Variants in DBX2 observed in about 807,000 individuals in gnomAD.
The protein encoded by DBX2 is homeobox protein DBX2.
A neutral mutation model predicts 17.7 loss-of-function variants in DBX2; 16 were observed. The observed-to-expected ratio is 0.90, with a 90% CI of 0.61 to 1.37. The LOEUF (loss-of-function observed/expected upper bound fraction) is 1.37. DBX2 is among the 40% of genes most tolerant of loss of function. The probability of loss-of-function intolerance (pLI) is 0.00; values close to 1 mark genes in which losing one functional copy is unlikely to be tolerated. For missense variants in DBX2, 538 were observed against 433.8 expected (o/e 1.24, Z -2.13); for synonymous variants, 255 against 183.8 (o/e 1.39, Z -3.13).
chr12:45,029,200 G>C (rs2137023252), intron 2 of DBX2, among the ~76,000 whole-genome samples: 1 of 152,256 alleles, frequency 6.6e-6, no homozygotes, highest in South Asian at 2.1e-4. Context: ...GGAGAATAAG[G>C]CATGTAGCAG....
intron 1 of DBX2, among the ~76,000 whole-genome samples, chr12:45,038,646 G>A (rs1010920087): frequency 4.4e-5 from 6 of 136,434 alleles, no homozygotes; most frequent in African/African-American, 6.5e-5. Context: ...AAAAATGGAT[G>A]GTTTACTTAA....
At chr12:45,039,276 GGTATATATATATATATATATATATATAT>G (rs1946456946) in intron 1 of DBX2, among the ~76,000 whole-genome samples, 1 of 66,424 alleles carries the variant, frequency 1.5e-5, no homozygotes, top group African/African-American at 6.5e-5. Context: ...CTGCATTGAA[GGTATATATATATATATATATATATATAT>G]ATATATATAT....
intron 1 of DBX2, among the ~76,000 whole-genome samples, chr12:45,046,694 A>G (rs1415071923): frequency 1.3e-5 from 2 of 152,228 alleles, no homozygotes; most frequent in African/African-American, 2.4e-5. Context: ...AGCACCAGAC[A>G]TAAGTGTGAA....
At chr12:45,021,248 A>T (rs1292579045) in intron 3 of DBX2, among the ~76,000 whole-genome samples, 2 of 152,222 alleles carry the variant, frequency 1.3e-5, no homozygotes, top group Non-Finnish European at 1.5e-5. Context: ...TAAGACAAAA[A>T]GTACTCACTC....
At chr12:45,026,756 T>C (rs1197714280) in intron 2 of DBX2, among the ~76,000 whole-genome samples, 1 of 152,232 alleles carries the variant, frequency 6.6e-6, no homozygotes, top group Non-Finnish European at 1.5e-5. Flanking sequence ...AACTTCTCCC[T>C]CTTTCCTTCC....
At chr12:45,038,372 A>G (rs1946451533) in intron 1 of DBX2, among the ~76,000 whole-genome samples, 1 of 151,676 alleles carries the variant, frequency 6.6e-6, no homozygotes, top group Admixed American at 6.6e-5. Context: ...ATAAAATTAA[A>G]CATTTACCAT....
chr12:45,022,450 C>T (rs1946358534), intron 3 of DBX2, among the ~76,000 whole-genome samples: 1 of 151,714 alleles, frequency 6.6e-6, no homozygotes, highest in African/African-American at 2.4e-5. Flanking sequence ...ACTACAGGCG[C>T]CAGCCACCTC....
At chr12:45,020,668 TA>T (rs1946346716) in intron 3 of DBX2, among the ~76,000 whole-genome samples, 1 of 89,334 alleles carries the variant, frequency 1.1e-5, no homozygotes, top group African/African-American at 4.3e-5. Flanking sequence ...TGTATATGTA[TA>T]TATATGTATA....
At chr12:45,026,227 C>A (rs1485382529) in intron 2 of DBX2, among the ~76,000 whole-genome samples, 1 of 152,064 alleles carries the variant, frequency 6.6e-6, no homozygotes, top group Non-Finnish European at 1.5e-5. Flanking sequence ...ACCTGCCAGG[C>A]CTTTGAAGAT....
chr12:45,031,251 A>T (rs960685705), intron 2 of DBX2, among the ~76,000 whole-genome samples: 24 of 150,686 alleles, frequency 1.6e-4, no homozygotes, highest in Admixed American at 5.3e-4. Flanking sequence ...AGAGAGAGAG[A>T]GAGAGATGTA....
At chr12:45,017,215 A>G (rs180955006) in intron 3 of DBX2, among the ~76,000 whole-genome samples, 1 of 152,356 alleles carries the variant, frequency 6.6e-6, no homozygotes, top group East Asian at 1.9e-4. Context: ...AACATCATCT[A>G]GTCTGTGCTG....
chr12:45,047,433 A>G (rs957642939), intron 1 of DBX2, among the ~76,000 whole-genome samples: 1 of 151,974 alleles, frequency 6.6e-6, no homozygotes, highest in African/African-American at 2.4e-5. Flanking sequence ...GAGCCCTTTG[A>G]TTTTTAGAGT....
At chr12:45,036,145 G>T (rs1946439948) in intron 1 of DBX2, 31 bp from the exon 2 acceptor site, 1 of 1,558,488 alleles carries the variant, frequency 6.4e-7, no homozygotes, top group Non-Finnish European at 8.7e-7. Context: ...TCATTGATTA[G>T]CCATTTCTTT....
Position 45,015,052 on chromosome 12 carries a change from T to C in DBX2, c.*1234A>G, listed in dbSNP as rs1946315838. ...AGAGTTTAATGCAAAACCACATCAT[T>C]TCCTATTTTTGTTTCATTTCCTTCA... is the stretch of plus-strand genomic sequence containing the variant. On this transcript the variant is annotated 3_prime_UTR_variant, in exon 4 of 4. Coordinates refer to ENST00000332700, the MANE Select transcript of DBX2 (RefSeq NM_001004329.3). 1 of 152,162 alleles carries C rather than the reference T, an allele frequency of 6.6e-6. No individual in the cohort carries two copies. The highest frequency in any genetic ancestry group is 6.5e-5 in the Admixed American group (1 of 15,272). 9.4% of individuals were successfully genotyped at this position (152,162 alleles called of 1,614,324 possible).
chr12:45,021,400 TA>T (rs752375089), intron 3 of DBX2, among the ~76,000 whole-genome samples: 2 of 152,202 alleles, frequency 1.3e-5, no homozygotes, highest in Non-Finnish European at 2.9e-5. Context: ...CCATAATTTT[TA>T]TATATGGCTG....
intron 1 of DBX2, among the ~76,000 whole-genome samples, chr12:45,048,918 T>C (rs1050693612): frequency 6.6e-6 from 1 of 152,144 alleles, no homozygotes; most frequent in African/African-American, 2.4e-5. Context: ...CCAAAAACAA[T>C]GTTTGCAATT....
chr12:45,050,581 C>T lies in DBX2; in HGVS notation c.347G>A (p.Arg116Lys), dbSNP rs766457470. 1 of 1,552,162 alleles carries T rather than the reference C, an allele frequency of 6.4e-7. No homozygotes were observed. The highest frequency in any genetic ancestry group is 8.7e-7 in the Non-Finnish European group (1 of 1,148,396). Residue 116 changes from arginine (R) to lysine (K), a missense_variant, in exon 1 of 4, where the codon AGG becomes AAG. Arg to Lys is a conservative substitution (Grantham distance 26). Coordinates refer to ENST00000332700, the MANE Select transcript of DBX2 (RefSeq NM_001004329.3). ...QVLSPSADSA[R>K]LPGRAPGDRD... ...GTCCCCCGGAGCCCGGCCCGGCAGC[C>T]TCGCACTGTCCGCAGAGGGACTGAG... is the stretch of plus-strand genomic sequence containing the variant.
chr12:45,027,968 G>A (rs1317240608), intron 2 of DBX2, among the ~76,000 whole-genome samples: 1 of 152,212 alleles, frequency 6.6e-6, no homozygotes, highest in Non-Finnish European at 1.5e-5. Flanking sequence ...AGGCATTAGT[G>A]CACCAGATAA....
intron 2 of DBX2, among the ~76,000 whole-genome samples, chr12:45,031,980 C>T (rs1486847327): frequency 6.6e-6 from 1 of 152,066 alleles, no homozygotes; most frequent in Non-Finnish European, 1.5e-5. Flanking sequence ...GAGAAAACCA[C>T]CCCATATTGT....
Sources: allele counts gnomAD v4.1 joint callset (sites outside exome capture counted in the v4.1 genomes callset), GRCh38; gene constraint gnomAD v4.1.1; transcripts MANE v1.5; gene names NCBI Gene and HGNC (gene_info 2026-07-23, HGNC 2026-07-21).